The following USP32 variants were observed in gnomAD, a reference collection of about 807,000 sequenced individuals.
USP32 encodes ubiquitin specific peptidase 32.
USP32 carries 59 observed loss-of-function variants against 204.8 expected under a neutral mutation model. That is an observed-to-expected ratio of 0.29 (90% CI 0.23 to 0.36). USP32 has a LOEUF of 0.36. Among genes scored for constraint, USP32 ranks in the 10% least tolerant of loss-of-function variants. The pLI, the probability that USP32 is intolerant of heterozygous loss-of-function variation, is 1.00. For missense variants in USP32, 1,160 were observed against 1,946.4 expected, an observed-to-expected ratio of 0.60 and a Z score of 7.60; for synonymous variants, 517 against 678.4, an observed-to-expected ratio of 0.76 and a Z score of 3.70.
intron 2 of USP32, among the ~76,000 whole-genome samples, chr17:60,310,326 T>G (rs909664900): frequency 4.6e-5 from 7 of 152,126 alleles, no homozygotes; most frequent in African/African-American, 1.7e-4. Context: ...ATAGTCGAAG[T>G]TTGGAATTAA....
At chr17:60,203,559 C>A (rs369449397) in intron 26 of USP32, among the ~76,000 whole-genome samples, 3 of 151,808 alleles carry the variant, frequency 2.0e-5, no homozygotes, top group Admixed American at 1.3e-4. Context: ...GATCTAGAAG[C>A]CTTGCTTTCC....
chr17:60,345,304 C>T (rs1467455335), intron 2 of USP32, among the ~76,000 whole-genome samples, 177 bp downstream of exon 2: 1 of 152,180 alleles, frequency 6.6e-6, no homozygotes, highest in Admixed American at 6.5e-5. Flanking sequence ...AGTACTCCCA[C>T]TTGACCTCTA....
At chr17:60,209,230 C>T in intron 22 of USP32, 140 bp downstream of exon 22, 1 of 998,890 alleles carries the variant, frequency 1.0e-6, no homozygotes, top group African/African-American at 1.7e-5. Flanking sequence ...AAGAATTAAG[C>T]ACAGAAATAG....
chr17:60,190,784 CT>C (rs2145405350), intron 28 of USP32, 101 bp from the exon 29 acceptor site: 1 of 1,491,676 alleles, frequency 6.7e-7, no homozygotes, highest in South Asian at 1.4e-5. Context: ...CTGCTTTCCT[CT>C]TGGGCCTCAC....
intron 5 of USP32, among the ~76,000 whole-genome samples, chr17:60,283,733 T>C (rs1485242215): frequency 6.6e-6 from 1 of 151,764 alleles, no homozygotes; most frequent in Admixed American, 6.6e-5. Flanking sequence ...TCACTTTAGA[T>C]ATAAGATTTA....
chr17:60,364,583 G>A (rs959806526), intron 1 of USP32, among the ~76,000 whole-genome samples: 1 of 152,088 alleles, frequency 6.6e-6, no homozygotes, highest in Non-Finnish European at 1.5e-5. Context: ...CACCATGTTG[G>A]CCAGACTGGT....
intron 1 of USP32, among the ~76,000 whole-genome samples, chr17:60,387,696 C>CCAT (rs2089754753): frequency 6.6e-6 from 1 of 152,000 alleles, no homozygotes; most frequent in South Asian, 2.1e-4. Context: ...CCCAATAAAC[C>CCAT]CATCATAAGT....
upstream of USP32, among the ~76,000 whole-genome samples, chr17:60,395,074 T>A (rs191020704): frequency 3.9e-5 from 6 of 152,290 alleles, no homozygotes; most frequent in Admixed American, 3.3e-4. Flanking sequence ...ATGGTATTTG[T>A]GTATCTAAAC....
At chr17:60,385,572 T>C (rs896996973) in intron 1 of USP32, among the ~76,000 whole-genome samples, 11 of 151,286 alleles carry the variant, frequency 7.3e-5, no homozygotes, top group Non-Finnish European at 1.3e-4. Flanking sequence ...CCAGAAGCAG[T>C]GGCTCACGCC....
chr17:60,354,734 G>A (rs1225343626), intron 1 of USP32, among the ~76,000 whole-genome samples: 3 of 152,120 alleles, frequency 2.0e-5, no homozygotes, highest in African/African-American at 7.2e-5. Context: ...AAATGTCCAT[G>A]AACAAATGAA....
At chr17:60,408,739 T>C (rs1183957356) in intron 1 of USP32, among the ~76,000 whole-genome samples, 3 of 151,884 alleles carry the variant, frequency 2.0e-5, no homozygotes, top group African/African-American at 7.3e-5. Context: ...ATTCCCCAGG[T>C]TGAAGGTTAT....
Position 60,346,013 on chromosome 17 carries a change from GA to G in USP32, c.59-406del, listed in dbSNP as rs950090220. 1.5e-3 allele frequency among the ~76,000 whole-genome samples: 229 copies of G among 151,822 alleles called. 2 individuals carry two copies. The highest frequency in any genetic ancestry group is 1.9e-3 in the Non-Finnish European group (129 of 67,922). ...ATAAATAAATAAAAAGAAAAAAAAA[GA>G]AAAATTGGCAAGCATTACACTTCTT... is the stretch of plus-strand genomic sequence containing the variant. On this transcript the variant is annotated intron_variant, in intron 1 of 33. Coordinates refer to ENST00000300896, the MANE Select transcript of USP32 (RefSeq NM_032582.4).
intron 5 of USP32, among the ~76,000 whole-genome samples, chr17:60,283,999 G>A (rs2087039951): frequency 6.6e-6 from 1 of 152,044 alleles, no homozygotes; most frequent in Non-Finnish European, 1.5e-5. Flanking sequence ...TAAGAAATAA[G>A]AAGAATATTA....
chr17:60,192,832 A>G lies in USP32; in HGVS notation c.3521+12T>C. 10 of 1,612,636 alleles carry G rather than the reference A, an allele frequency of 6.2e-6. No homozygotes were observed. The highest frequency in any genetic ancestry group is 8.5e-6 in the Non-Finnish European group (10 of 1,178,646). ...AATTCTACTAAAGTAATTCTTTTGC[A>G]GGTCACTTTACCTATACCATGGGCA... On this transcript the variant is annotated intron_variant, in intron 28 of 33. Coordinates refer to ENST00000300896, the MANE Select transcript of USP32 (RefSeq NM_032582.4).
intron 14 of USP32, 103 bp from the exon 15 acceptor site, chr17:60,222,652 A>T: frequency 4.2e-6 from 4 of 954,246 alleles, no homozygotes; most frequent in East Asian, 2.7e-5. Context: ...ATCACCACCC[A>T]GTTTCATGTT....
chr17:60,185,646 T>C lies in USP32; in HGVS notation c.3648A>G (p.Val1216=). 6.2e-7 allele frequency: 1 copy of C among 1,609,426 alleles called. No homozygotes were observed. The highest frequency in any genetic ancestry group is 8.5e-7 in the Non-Finnish European group (1 of 1,177,708). ...LRYQTSQERV[V]DEHESVEQSR... ...TCTGCTCCACACTCTCATGCTCATCTACAACCTGCAGGTAGAGGGAACAGG... is the reference window on the plus strand; with the variant it reads ...TCTGCTCCACACTCTCATGCTCATCCACAACCTGCAGGTAGAGGGAACAGG... Residue 1216 remains valine, a synonymous_variant, in exon 30 of 34, where the codon GTA becomes GTG. Coordinates refer to ENST00000300896, the MANE Select transcript of USP32 (RefSeq NM_032582.4).
chr17:60,400,984 C>G (rs2089930633), intron 1 of USP32, among the ~76,000 whole-genome samples: 1 of 151,994 alleles, frequency 6.6e-6, no homozygotes, highest in Admixed American at 6.6e-5. Flanking sequence ...ATAGCAAAAC[C>G]CCATCTCTAC....
chr17:60,306,637 C>T (rs1251172815), intron 2 of USP32, among the ~76,000 whole-genome samples: 2 of 147,890 alleles, frequency 1.4e-5, no homozygotes, highest in Non-Finnish European at 3.0e-5. Flanking sequence ...GACTCCGTCT[C>T]GAAAGAAAAA....
chr17:60,189,712 G>A lies in USP32; in HGVS notation c.3642+851C>T, dbSNP rs562850330. Among the ~76,000 whole-genome samples, 10 of 152,224 alleles carry A rather than the reference G, an allele frequency of 6.6e-5. No individual in the cohort carries two copies. The East Asian group carries it at 1.9e-3, about 29-fold the overall frequency. ...GAGTGGCCACTGAGATGTGCTCTTA[G>A]GTACCCAAAATGGAAACATTTCAAT... On this transcript the variant is annotated intron_variant, in intron 29 of 33. Transcript: ENST00000300896.
Sources: gnomAD v4.1 joint callset for allele counts (sites outside exome capture counted in the v4.1 genomes callset) on GRCh38, gnomAD v4.1.1 for gene constraint, MANE v1.5 for transcripts, NCBI Gene and HGNC (gene_info 2026-07-23, HGNC 2026-07-21) for gene names.